The following MARCHF3 variants were observed in gnomAD, a reference collection of about 807,000 sequenced individuals.
The protein encoded by MARCHF3 is E3 ubiquitin-protein ligase MARCHF3.
Under a neutral mutation model 24.2 loss-of-function variants are expected in MARCHF3, and 13 were observed. The observed-to-expected ratio is 0.54, with a 90% CI of 0.35 to 0.85. The LOEUF is 0.85. Among genes scored for constraint, MARCHF3 ranks in the 40% least tolerant of loss-of-function variants. The pLI, the probability that MARCHF3 is intolerant of heterozygous loss-of-function variation, is 0.01. For missense variants in MARCHF3, 276 were observed against 325.0 expected, an observed-to-expected ratio of 0.85 and a Z score of 1.16; for synonymous variants, 144 against 137.3, an observed-to-expected ratio of 1.05 and a Z score of -0.34.
intron 1 of MARCHF3, among the ~76,000 whole-genome samples, chr5:126,970,676 C>T (rs1051866066): frequency 6.6e-6 from 1 of 152,066 alleles, no homozygotes; most frequent in Non-Finnish European, 1.5e-5. Flanking sequence ...GGAATTTTAT[C>T]GGTCCCAGGA....
At chr5:126,929,150 T>C (rs1236390600) in intron 1 of MARCHF3, among the ~76,000 whole-genome samples, 2 of 152,224 alleles carry the variant, frequency 1.3e-5, no homozygotes, top group South Asian at 2.1e-4. Context: ...TTGAAGAAAT[T>C]CACGTAGAGG....
intron 1 of MARCHF3, among the ~76,000 whole-genome samples, chr5:126,959,849 C>G (rs992700938): frequency 6.6e-6 from 1 of 152,208 alleles, no homozygotes; most frequent in African/African-American, 2.4e-5. Context: ...GTAAGCATTG[C>G]TTGGTATTCC....
At position 127,019,689 on chromosome 5, in the gene MARCHF3, C is replaced by T. The variant is rs141880608; in HGVS notation, c.-57+10661G>A. Among the ~76,000 whole-genome samples the T allele has an allele frequency of 1.0e-3, 158 of 152,306 alleles. 3 individuals are homozygous for T. Among genetic ancestry groups the T allele is most frequent in the East Asian group, 5.2e-3 (27 of 5,188 alleles). On this transcript the variant is annotated intron_variant, in intron 1 of 4. Transcript: ENST00000308660. ...ACAGAGGCAGAGAGATGAAAGGACC[C>T]TGTTTCCTTGATGACATCACTGTGC...
intron 1 of MARCHF3, among the ~76,000 whole-genome samples, chr5:126,994,708 G>A (rs1366269263): frequency 1.3e-5 from 2 of 152,136 alleles, no homozygotes; most frequent in African/African-American, 2.4e-5. Flanking sequence ...TATATGAAAG[G>A]GAGTTTATTA....
chr5:126,978,420 A>T (rs1751275766), intron 1 of MARCHF3, among the ~76,000 whole-genome samples: 1 of 149,814 alleles, frequency 6.7e-6, no homozygotes, highest in Admixed American at 6.6e-5. Context: ...AAAAAGCCAG[A>T]TCAACCCTAT....
chr5:126,919,028 G>T (rs1388565997), intron 1 of MARCHF3, among the ~76,000 whole-genome samples: 4 of 152,162 alleles, frequency 2.6e-5, no homozygotes, highest in African/African-American at 9.7e-5. Flanking sequence ...ACACATAGGA[G>T]AACGTGAGAA....
intron 1 of MARCHF3, among the ~76,000 whole-genome samples, chr5:127,000,539 A>G (rs144649500): frequency 1.3e-5 from 2 of 152,284 alleles, no homozygotes; most frequent in East Asian, 3.9e-4. Context: ...TGCTGAAACA[A>G]TCTTCACTCC....
chr5:126,966,458 G>A (rs1267322560), intron 1 of MARCHF3, among the ~76,000 whole-genome samples: 1 of 147,008 alleles, frequency 6.8e-6, no homozygotes, highest in Non-Finnish European at 1.5e-5. Context: ...TGTATCCAAT[G>A]CTTGTTTCAG....
At chr5:126,992,124 T>TCC (rs75449481) in intron 1 of MARCHF3, among the ~76,000 whole-genome samples, 7,805 of 152,130 alleles carry the variant, frequency 0.051, 368 homozygotes, top group South Asian at 0.14. Flanking sequence ...CTGTGATTGT[T>TCC]CCCCCACCCC....
At chr5:126,888,914 A>G (rs1386929661) in intron 3 of MARCHF3, among the ~76,000 whole-genome samples, 1 of 152,062 alleles carries the variant, frequency 6.6e-6, no homozygotes, top group African/African-American at 2.4e-5. Flanking sequence ...ACACACATGC[A>G]CCACCACGCC....
At chr5:126,909,481 G>A (rs1036489209) in intron 3 of MARCHF3, among the ~76,000 whole-genome samples, 1 of 152,230 alleles carries the variant, frequency 6.6e-6, no homozygotes, top group Admixed American at 6.5e-5. Context: ...CACTCCGTGG[G>A]CGTAGGACCC....
chr5:126,868,954 A>ATT lies in MARCHF3; in HGVS notation c.*1677_*1678dup, dbSNP rs1752862685. 1 of 152,278 alleles carries ATT rather than the reference A, an allele frequency of 6.6e-6. No homozygotes were observed. Among genetic ancestry groups the ATT allele is most frequent in the Admixed American group, 6.5e-5 (1 of 15,280 alleles). 9.4% of individuals were successfully genotyped at this position (152,278 alleles called of 1,614,324 possible). ...AGTAAACAGAAGGGCTGAGACATAT[A>ATT]TTACTGGAATTGAAGTGTCCCAGTG... On this transcript the variant is annotated 3_prime_UTR_variant, in exon 5 of 5. Transcript: ENST00000308660.
chr5:126,872,339 C>A (rs1003691009), intron 4 of MARCHF3, among the ~76,000 whole-genome samples: 1 of 152,090 alleles, frequency 6.6e-6, no homozygotes, highest in Admixed American at 6.5e-5. Context: ...GGATTACAGG[C>A]GTGAACCATG....
chr5:126,900,465 G>A (rs1754066899), intron 3 of MARCHF3, among the ~76,000 whole-genome samples: 1 of 152,078 alleles, frequency 6.6e-6, no homozygotes, highest in Non-Finnish European at 1.5e-5. Flanking sequence ...CGTCTACCAT[G>A]TGAGGACATA....
At chr5:126,963,238 C>T (rs186617682) in intron 1 of MARCHF3, among the ~76,000 whole-genome samples, 6 of 152,144 alleles carry the variant, frequency 3.9e-5, no homozygotes, top group Admixed American at 3.9e-4. Flanking sequence ...GGAAGATAAG[C>T]CATTTTTATG....
intron 1 of MARCHF3, among the ~76,000 whole-genome samples, chr5:126,954,585 G>C (rs1337406197): frequency 3.3e-5 from 5 of 150,738 alleles, no homozygotes; most frequent in African/African-American, 1.2e-4. Flanking sequence ...TGCCCAGGCT[G>C]GTCTCAAACT....
At chr5:126,975,363 G>A (rs1751158042) in intron 1 of MARCHF3, among the ~76,000 whole-genome samples, 1 of 152,036 alleles carries the variant, frequency 6.6e-6, no homozygotes, top group African/African-American at 2.4e-5. Flanking sequence ...CTTTTTAATT[G>A]ACACAAAATT....
intron 3 of MARCHF3, among the ~76,000 whole-genome samples, chr5:126,893,577 A>C (rs1452545295): frequency 6.6e-6 from 1 of 151,424 alleles, no homozygotes; most frequent in African/African-American, 2.4e-5. Flanking sequence ...CAGGTTGTTC[A>C]GTTTCCATGT....
In MARCHF3 at chr5:126,908,456, A is replaced by G. The variant is rs2126787832; in HGVS notation, c.393+6474T>C. Among the ~76,000 whole-genome samples the G allele has an allele frequency of 2.0e-5, 3 of 152,286 alleles. No individual in the cohort carries two copies. In the Middle Eastern group the frequency reaches 0.01, roughly 518 times the overall value. Reference sequence around the variant, plus strand: ...CATTCTCCCTGTCACTTTCAGGTACACCAATCAGACATAGATTTGGTCTTT... The same window carrying G: ...CATTCTCCCTGTCACTTTCAGGTACGCCAATCAGACATAGATTTGGTCTTT... On this transcript the variant is annotated intron_variant, in intron 3 of 4. Coordinates refer to ENST00000308660, the MANE Select transcript of MARCHF3 (RefSeq NM_178450.5).
Sources: gnomAD v4.1 joint callset for allele counts (sites outside exome capture counted in the v4.1 genomes callset) on GRCh38, gnomAD v4.1.1 for gene constraint, MANE v1.5 for transcripts, NCBI Gene and HGNC (gene_info 2026-07-23, HGNC 2026-07-21) for gene names.